The following TYW1B variants were observed in gnomAD, a reference collection of about 807,000 sequenced individuals.
TYW1B encodes S-adenosyl-L-methionine-dependent tRNA 4-demethylwyosine synthase TYW1B.
A neutral mutation model predicts 86.9 loss-of-function variants in TYW1B; 73 were observed. That is an observed-to-expected ratio of 0.84 (90% CI 0.70 to 1.02). The LOEUF (loss-of-function observed/expected upper bound fraction) is 1.02, where lower values mean the gene tolerates loss of function less well. TYW1B is among the 50% of genes least tolerant of loss of function. The pLI is 0.00. For synonymous variants in TYW1B, 248 were observed against 292.8 expected, an observed-to-expected ratio of 0.85 and a Z score of 1.56; for missense variants, 637 against 827.4, an observed-to-expected ratio of 0.77 and a Z score of 2.82.
chr7:72,596,659 A>C (rs1465729701), intron 13 of TYW1B, among the ~76,000 whole-genome samples: 1 of 152,168 alleles, frequency 6.6e-6, no homozygotes, highest in Non-Finnish European at 1.5e-5. Context: ...TAAACATAAG[A>C]CTTAAAATTA....
At chr7:72,777,390 T>C (rs1361862804) in intron 7 of TYW1B, 26 bp downstream of exon 7, 1 of 1,612,098 alleles carries the variant, frequency 6.2e-7, no homozygotes, top group Middle Eastern at 1.7e-4. Context: ...TATAGTCATA[T>C]AACAACAATT....
At chr7:72,810,720 C>A in intron 3 of TYW1B, 55 bp from the exon 4 acceptor site, 1 of 1,522,064 alleles carries the variant, frequency 6.6e-7, no homozygotes, top group East Asian at 2.3e-5. Flanking sequence ...ATTATCTCAA[C>A]GAAGAAAATC....
At chr7:72,745,183 C>T (rs1482508472) in intron 7 of TYW1B, among the ~76,000 whole-genome samples, 2 of 152,052 alleles carry the variant, frequency 1.3e-5, no homozygotes, top group East Asian at 1.9e-4. Flanking sequence ...AGCCACCATG[C>T]CTGGTTATTT....
chr7:72,684,527 G>T (rs1554448956), intron 11 of TYW1B, among the ~76,000 whole-genome samples: 1 of 152,004 alleles, frequency 6.6e-6, no homozygotes, highest in Non-Finnish European at 1.5e-5. Flanking sequence ...CGGAAACTGG[G>T]GGAATTTGTT....
At chr7:72,587,710 G>A (rs536999073) in intron 13 of TYW1B, among the ~76,000 whole-genome samples, 8 of 152,144 alleles carry the variant, frequency 5.3e-5, no homozygotes, top group African/African-American at 1.9e-4. Context: ...ATTTCTAATC[G>A]TTTGGCTAAT....
At chr7:72,577,942 A>C (rs1333942485) in intron 13 of TYW1B, among the ~76,000 whole-genome samples, 1 of 152,116 alleles carries the variant, frequency 6.6e-6, no homozygotes, top group East Asian at 1.9e-4. Context: ...AGTTTCTGTC[A>C]GTTTTCTGGC....
At chr7:72,717,006 A>G (rs1386666234) in intron 9 of TYW1B, among the ~76,000 whole-genome samples, 1 of 151,896 alleles carries the variant, frequency 6.6e-6, no homozygotes, top group African/African-American at 2.4e-5. Context: ...TGCTTGTAAA[A>G]AGCATGCAGT....
At chr7:72,767,983 C>T (rs1244446738) in intron 7 of TYW1B, among the ~76,000 whole-genome samples, 1 of 152,180 alleles carries the variant, frequency 6.6e-6, no homozygotes, top group African/African-American at 2.4e-5. Context: ...GGCACAGTGG[C>T]TCATGCCTAT....
intron 7 of TYW1B, among the ~76,000 whole-genome samples, chr7:72,749,835 C>A (rs1787466290): frequency 6.8e-6 from 1 of 146,672 alleles, no homozygotes; most frequent in African/African-American, 2.5e-5. Context: ...TGTAAATTTT[C>A]TTCTGAGAAC....
chr7:72,826,680 A>AACTT, intron 2 of TYW1B, among the ~76,000 whole-genome samples, 175 bp downstream of exon 2: 1 of 152,350 alleles, frequency 6.6e-6, no homozygotes, highest in East Asian at 1.9e-4. Flanking sequence ...AAAAGTAAGT[A>AACTT]ACTTAATCCA....
At position 72,807,360 on chromosome 7, in the gene TYW1B, C is replaced by A. The variant is rs782000210; in HGVS notation, c.433-4G>T. The A allele has an allele frequency of 1.2e-6, 2 of 1,610,318 alleles. No homozygotes were observed. Among genetic ancestry groups the A allele is most frequent in the Non-Finnish European group, 1.7e-6 (2 of 1,176,920 alleles). On this transcript the variant is annotated splice_region_variant and splice_polypyrimidine_tract_variant and intron_variant, in intron 4 of 13. Transcript: ENST00000620995. Reference sequence around the variant, plus strand: ...ACTTGTCAACATTTTTGCCAACCTGCGAGGAAAAGATAGATAGGCTAAAAG... The same window carrying A: ...ACTTGTCAACATTTTTGCCAACCTGAGAGGAAAAGATAGATAGGCTAAAAG...
At chr7:72,790,755 C>T (rs1388430308) in intron 6 of TYW1B, among the ~76,000 whole-genome samples, 1 of 152,202 alleles carries the variant, frequency 6.6e-6, no homozygotes, top group Admixed American at 6.5e-5. Flanking sequence ...AATTGAAATC[C>T]TAAACTATTC....
At chr7:72,696,122 A>G (rs1321939616) in intron 10 of TYW1B, among the ~76,000 whole-genome samples, 1 of 151,688 alleles carries the variant, frequency 6.6e-6, no homozygotes, top group Non-Finnish European at 1.5e-5. Flanking sequence ...TAATTTTTGT[A>G]TTTTTAGTAG....
chr7:72,710,096 A>G (rs1786609553), intron 10 of TYW1B, among the ~76,000 whole-genome samples: 1 of 152,312 alleles, frequency 6.6e-6, no homozygotes. Context: ...ATCATACTCT[A>G]TAATTTTCCT....
chr7:72,731,270 A>G (rs1787101709), intron 8 of TYW1B, among the ~76,000 whole-genome samples: 1 of 151,852 alleles, frequency 6.6e-6, no homozygotes, highest in Admixed American at 6.6e-5. Context: ...GGAATCCTAC[A>G]TCAGGAAGTG....
chr7:72,588,756 T>G (rs782683128), intron 13 of TYW1B, among the ~76,000 whole-genome samples: 14 of 152,192 alleles, frequency 9.2e-5, no homozygotes, highest in East Asian at 1.9e-4. Context: ...GACTTTGTAT[T>G]TGGAAACACT....
intron 11 of TYW1B, among the ~76,000 whole-genome samples, chr7:72,632,312 T>TATATATATATATACGTGTATA (rs1491239231): frequency 1.0e-4 from 9 of 87,000 alleles, no homozygotes; most frequent in Non-Finnish European, 1.4e-4. Context: ...TGTATATATA[T>TATATATATATATACGTGTATA]TATATATATT....
chr7:72,801,480 C>G (rs1235933753), intron 6 of TYW1B, among the ~76,000 whole-genome samples: 1 of 151,486 alleles, frequency 6.6e-6, no homozygotes, highest in Non-Finnish European at 1.5e-5. Flanking sequence ...ATCCTGCTAA[C>G]CTTACTGAGT....
At chr7:72,810,083 G>A (rs2129572683) in intron 4 of TYW1B, among the ~76,000 whole-genome samples, 1 of 150,890 alleles carries the variant, frequency 6.6e-6, no homozygotes, top group African/African-American at 2.4e-5. Context: ...TTCACAACTA[G>A]CCTGGCTGGC....
Sources: allele counts gnomAD v4.1 joint callset (sites outside exome capture counted in the v4.1 genomes callset), GRCh38; gene constraint gnomAD v4.1.1; transcripts MANE v1.5; gene names NCBI Gene and HGNC (gene_info 2026-07-23, HGNC 2026-07-21).